KATNAL1: variants seen among roughly 807,000 people sequenced by gnomAD.
KATNAL1 encodes katanin p60 ATPase-containing subunit A-like 1.
KATNAL1 carries 32 observed loss-of-function variants against 55.2 expected under a neutral mutation model. That is an observed-to-expected ratio of 0.58 (90% CI 0.44 to 0.78). The LOEUF (loss-of-function observed/expected upper bound fraction) is 0.78. KATNAL1 is among the 30% of genes least tolerant of loss of function. KATNAL1 has a pLI of 0.00. For missense variants in KATNAL1, 466 were observed against 600.9 expected (o/e 0.78, Z 2.35); for synonymous variants, 193 against 193.6 (o/e 1.00, Z 0.02).
In KATNAL1 at chr13:30,209,588, C is replaced by A. The variant is rs114679060; in HGVS notation, c.1274+728G>T. On this transcript the variant is annotated intron_variant, in intron 10 of 10. Transcript: ENST00000380615. ...AGGAACTGTCTAAAACTTATGATGT[C>A]GCTAAACTGAAAAAATTTTAAACGT... 2.8e-3 allele frequency among the ~76,000 whole-genome samples: 430 copies of A among 152,308 alleles called. 4 individuals are homozygous for A. Among genetic ancestry groups the A allele is most frequent in the African/African-American group, 9.8e-3 (408 of 41,562 alleles).
intron 2 of KATNAL1, 44 bp downstream of exon 2, chr13:30,283,572 G>T (rs751550969): frequency 6.3e-7 from 1 of 1,578,758 alleles, no homozygotes; most frequent in Non-Finnish European, 8.7e-7. Flanking sequence ...AGTATAATAG[G>T]GTACTGCCAT....
In KATNAL1 at chr13:30,231,404, A is replaced by G. The variant is rs867504632; in HGVS notation, c.795T>C (p.Cys265=). 8 of 1,609,354 alleles carry G rather than the reference A, an allele frequency of 5.0e-6. No individual in the cohort carries two copies. In the South Asian group the frequency reaches 8.9e-5, roughly 18 times the overall value. ...TMLAKAVATE[C]GTTFFNVSSS... The stretch of plus-strand genomic sequence containing the variant: ...ACGAAACGTTGAAGAATGTTGTACC[A>G]CATTCAGTGGCAACAGCTTTAGCTA... Residue 265 remains cysteine, a synonymous_variant, in exon 7 of 11, where the codon TGT becomes TGC. Coordinates refer to ENST00000380615, the MANE Select transcript of KATNAL1 (RefSeq NM_032116.5).
chr13:30,253,367 T>A (rs1416106367), intron 4 of KATNAL1, among the ~76,000 whole-genome samples: 11 of 152,176 alleles, frequency 7.2e-5, no homozygotes, highest in Non-Finnish European at 1.5e-4. Context: ...TCTGAGTACT[T>A]ACATGTCAAT....
intron 3 of KATNAL1, among the ~76,000 whole-genome samples, chr13:30,269,221 G>C (rs905230001): frequency 9.9e-5 from 15 of 152,242 alleles, no homozygotes; most frequent in African/African-American, 3.6e-4. Flanking sequence ...GCCTGCGATT[G>C]CAGGCGCACG....
chr13:30,251,723 A>G (rs564317069), intron 4 of KATNAL1, among the ~76,000 whole-genome samples: 1 of 152,346 alleles, frequency 6.6e-6, no homozygotes, highest in East Asian at 1.9e-4. Flanking sequence ...ATATAGCTTA[A>G]AAGTTAATTT....
intron 9 of KATNAL1, among the ~76,000 whole-genome samples, chr13:30,225,201 T>G (rs1875327539): frequency 6.6e-6 from 1 of 152,180 alleles, no homozygotes; most frequent in African/African-American, 2.4e-5. Flanking sequence ...CCTCATGGAT[T>G]CCACCCCCAC....
chr13:30,240,370 G>T, intron 6 of KATNAL1, 90 bp downstream of exon 6: 2 of 903,752 alleles, frequency 2.2e-6, no homozygotes, highest in Non-Finnish European at 3.5e-6. Flanking sequence ...TTCAAAATGG[G>T]TTAAATACAT....
intron 9 of KATNAL1, among the ~76,000 whole-genome samples, chr13:30,217,120 A>C (rs1481347117): frequency 6.6e-6 from 1 of 152,196 alleles, no homozygotes; most frequent in Non-Finnish European, 1.5e-5. Flanking sequence ...TTATGTCAGT[A>C]ATTTTTTAGA....
At chr13:30,283,839 TAAAACA>T in intron 1 of KATNAL1, 48 bp from the exon 2 acceptor site, 1 of 1,258,698 alleles carries the variant, frequency 7.9e-7, no homozygotes, top group Non-Finnish European at 1.1e-6. Context: ...GCACTGACTT[TAAAACA>T]TTTATTATTC....
chr13:30,225,096 GTA>G (rs1440923678), intron 9 of KATNAL1, among the ~76,000 whole-genome samples: 2 of 152,064 alleles, frequency 1.3e-5, no homozygotes, highest in African/African-American at 4.8e-5. Context: ...TTTGAGCCAG[GTA>G]TACATTTAGC....
intron 1 of KATNAL1, among the ~76,000 whole-genome samples, chr13:30,291,791 T>C (rs1882149301): frequency 6.6e-6 from 1 of 151,986 alleles, no homozygotes; most frequent in South Asian, 2.1e-4. Flanking sequence ...ATCCCAGCAC[T>C]TTGGGAAGCC....
rs528947998 is a variant in KATNAL1, at chr13:30,202,708, T to G, written c.*5832A>C. On this transcript the variant is annotated 3_prime_UTR_variant, in exon 11 of 11. Coordinates refer to ENST00000380615, the MANE Select transcript of KATNAL1 (RefSeq NM_032116.5). ...AGCTAAGCTAATGAGATTAGCAAAGTAGCAGCACAAAAGGTAAGGAAAAAC... is the reference window on the plus strand; with the variant it reads ...AGCTAAGCTAATGAGATTAGCAAAGGAGCAGCACAAAAGGTAAGGAAAAAC... The G allele has an allele frequency of 1.3e-5, 2 of 152,170 alleles. No homozygotes were observed. Among genetic ancestry groups the G allele is most frequent in the Non-Finnish European group, 2.9e-5 (2 of 68,032 alleles). 9.4% of individuals were successfully genotyped at this position (152,170 alleles called of 1,614,324 possible).
At position 30,276,501 on chromosome 13, in the gene KATNAL1, C is replaced by T. The variant is rs922991655; in HGVS notation, c.323+3562G>A. Among the ~76,000 whole-genome samples, 3 of 125,254 alleles carry T rather than the reference C, an allele frequency of 2.4e-5. No individual in the cohort carries two copies. The South Asian group carries it at 7.3e-4, about 31-fold the overall frequency. 82.2% of individuals were successfully genotyped at this position (125,254 alleles called of 152,430 possible). On this transcript the variant is annotated intron_variant, in intron 3 of 10. Coordinates refer to ENST00000380615, the MANE Select transcript of KATNAL1 (RefSeq NM_032116.5). ...GCTTTGTATAAAACAGGGTAAATTA[C>T]AAGGTGAGAGATGGCAAAAAAAAAA...
chr13:30,234,989 G>C (rs930774936), intron 6 of KATNAL1, among the ~76,000 whole-genome samples: 3 of 152,146 alleles, frequency 2.0e-5, no homozygotes, highest in Non-Finnish European at 1.5e-5. Context: ...ACCATGCCAG[G>C]AAAACCAACC....
intron 1 of KATNAL1, chr13:30,307,012 A>T (rs1223570726): frequency 7.3e-5 from 11 of 151,004 alleles, no homozygotes; most frequent in Non-Finnish European, 1.3e-4. Context: ...ACAAAGAGAG[A>T]TTTTTTTTTC....
chr13:30,212,706 C>T lies in KATNAL1; in HGVS notation c.1148-2264G>A, dbSNP rs1873805433. On this transcript the variant is annotated intron_variant, in intron 9 of 10. Coordinates refer to ENST00000380615, the MANE Select transcript of KATNAL1 (RefSeq NM_032116.5). Reference sequence around the variant, plus strand: ...ACCACTATACATGTATGAAAATGTTCACAGTAGCACTGTTCATAATAGCCT... The same window carrying T: ...ACCACTATACATGTATGAAAATGTTTACAGTAGCACTGTTCATAATAGCCT... Among the ~76,000 whole-genome samples the T allele has an allele frequency of 2.6e-5, 4 of 152,210 alleles. No homozygotes were observed. In the South Asian group the frequency reaches 8.3e-4, roughly 32 times the overall value.
At chr13:30,296,094 C>A in intron 1 of KATNAL1, 1 of 325,194 alleles carries the variant, frequency 3.1e-6, no homozygotes. Context: ...AACGCGGGTC[C>A]ACGCACGTGA....
chr13:30,207,148 G>C lies in KATNAL1; in HGVS notation c.*1392C>G, dbSNP rs928664786. The C allele has an allele frequency of 2.0e-5, 3 of 152,158 alleles. No individual in the cohort carries two copies. The highest frequency in any genetic ancestry group is 7.2e-5 in the African/African-American group (3 of 41,442). 9.4% of individuals were successfully genotyped at this position (152,158 alleles called of 1,614,324 possible). Reference sequence around the variant, plus strand: ...CTATTCGAAACTGAGAATTCAGGATGTTATCAAATACAAATTTTTAAAAGC... The same window carrying C: ...CTATTCGAAACTGAGAATTCAGGATCTTATCAAATACAAATTTTTAAAAGC... On this transcript the variant is annotated 3_prime_UTR_variant, in exon 11 of 11. Transcript: ENST00000380615.
At chr13:30,294,298 T>C (rs1227843783) in intron 1 of KATNAL1, among the ~76,000 whole-genome samples, 1 of 152,172 alleles carries the variant, frequency 6.6e-6, no homozygotes, top group Non-Finnish European at 1.5e-5. Flanking sequence ...GAAGAAGTTC[T>C]TGAAAGAAAT....
Sources: gnomAD v4.1 joint callset for allele counts (sites outside exome capture counted in the v4.1 genomes callset) on GRCh38, gnomAD v4.1.1 for gene constraint, MANE v1.5 for transcripts, NCBI Gene and HGNC (gene_info 2026-07-23, HGNC 2026-07-21) for gene names.